The following TSC2 variants were observed in gnomAD, a reference collection of about 807,000 sequenced individuals.
TSC2 encodes tuberin.
TSC2 carries 29 observed loss-of-function variants against 202.2 expected under a neutral mutation model. That is an observed-to-expected ratio of 0.14 (90% CI 0.11 to 0.20). The LOEUF is 0.20. TSC2 is among the 10% of genes least tolerant of loss of function. TSC2 has a pLI of 1.00. For missense variants in TSC2, 2,429 were observed against 2,420.0 expected, an observed-to-expected ratio of 1.00 and a Z score of -0.08; for synonymous variants, 1,349 against 1,044.0, an observed-to-expected ratio of 1.29 and a Z score of -5.63.
chr16:2,061,717 C>A (rs1389571954), intron 11 of TSC2, 154 bp from the exon 12 acceptor site: 1 of 1,311,646 alleles, frequency 7.6e-7, no homozygotes, highest in African/African-American at 1.4e-5. Flanking sequence ...CCCGGAGCGG[C>A]CTCAGAGGGC....
At chr16:2,056,088 A>T in intron 6 of TSC2, 108 bp from the exon 7 acceptor site, 3 of 1,441,072 alleles carry the variant, frequency 2.1e-6, no homozygotes, top group Non-Finnish European at 2.9e-6. Context: ...ACCCCCAGGG[A>T]GGATGAGCCA....
chr16:2,088,833 G>A lies in TSC2; in HGVS notation c.*223G>A, dbSNP rs1042551574. 1.1e-5 allele frequency: 7 copies of A among 612,758 alleles called. No individual in the cohort carries two copies. The highest frequency in any genetic ancestry group is 6.0e-5 in the Admixed American group (2 of 33,224). The allele number at this position is 612,758 out of a possible 1,614,324, so 38.0% of individuals were successfully genotyped here. A position where few individuals can be genotyped will look rare whatever the true frequency, so the allele number is the denominator to read the frequency against. On this transcript the variant is annotated 3_prime_UTR_variant, in exon 42 of 42. Coordinates refer to ENST00000219476, the MANE Select transcript of TSC2 (RefSeq NM_000548.5). ...AGAAGCAGGCACAGCCAGCTCCGAG[G>A]GCCTTGAGGCTGCCTGGGCCATACA...
chr16:2,069,568 C>T (rs1200590696), intron 16 of TSC2, among the ~76,000 whole-genome samples: 1 of 151,996 alleles, frequency 6.6e-6, no homozygotes, highest in Non-Finnish European at 1.5e-5. Context: ...CAAGCTCTGC[C>T]TCCTGGGTTC....
At chr16:2,069,587 C>G (rs995818975) in intron 16 of TSC2, among the ~76,000 whole-genome samples, 2 of 152,062 alleles carry the variant, frequency 1.3e-5, no homozygotes, top group Non-Finnish European at 2.9e-5. Context: ...TCACGCCATT[C>G]TCCTGCCTCA....
intron 22 of TSC2, chr16:2,074,666 C>G: frequency 1.9e-6 from 1 of 529,668 alleles, no homozygotes; most frequent in Non-Finnish European, 3.4e-6. Flanking sequence ...TTTTGGGCCT[C>G]CTCTCTGTCC....
intron 2 of TSC2, among the ~76,000 whole-genome samples, chr16:2,049,563 G>A (rs1596240280): frequency 6.6e-6 from 1 of 151,922 alleles, no homozygotes; most frequent in Middle Eastern, 3.4e-3. Context: ...GGTGGCTCAC[G>A]CCTGTCATCC....
intron 16 of TSC2, among the ~76,000 whole-genome samples, chr16:2,067,372 G>C (rs2087537099): frequency 6.6e-6 from 1 of 151,592 alleles, no homozygotes; most frequent in Non-Finnish European, 1.5e-5. Flanking sequence ...ATGTTGCCCA[G>C]CCTGGCATCA....
At chr16:2,086,507 G>A (rs1320141887) in intron 37 of TSC2, 128 bp downstream of exon 37, 3 of 1,444,006 alleles carry the variant, frequency 2.1e-6, no homozygotes, top group South Asian at 1.2e-5. Flanking sequence ...CCACGCCTCA[G>A]GTTCCGAGCC....
chr16:2,062,407 A>T, intron 12 of TSC2, 90 bp from the exon 13 acceptor site: 1 of 1,302,270 alleles, frequency 7.7e-7, no homozygotes, highest in East Asian at 2.5e-5. Context: ...CTGGGCTCTG[A>T]CAGCAAACCA....
At chr16:2,068,074 A>G (rs1030374350) in intron 16 of TSC2, among the ~76,000 whole-genome samples, 3 of 151,898 alleles carry the variant, frequency 2.0e-5, no homozygotes, top group Non-Finnish European at 2.9e-5. Flanking sequence ...TCTCACCACT[A>G]TGTCACCCAG....
Position 2,048,583 on chromosome 16 carries a change from A to G in TSC2, c.-29-4A>G, listed in dbSNP as rs777786528. 4 of 1,613,484 alleles carry G rather than the reference A, an allele frequency of 2.5e-6. No homozygotes were observed. In the South Asian group the frequency reaches 3.3e-5, roughly 13 times the overall value. ...ATGTCCCCATTCCTGTTTCGTTTGC[A>G]CAGAGGGGTTTTCTGGTGCGTCCTG... On this transcript the variant is annotated splice_polypyrimidine_tract_variant and splice_region_variant and intron_variant, in intron 1 of 41. Coordinates refer to ENST00000219476, the MANE Select transcript of TSC2 (RefSeq NM_000548.5).
At chr16:2,073,150 C>T (rs558260404) in intron 21 of TSC2, among the ~76,000 whole-genome samples, 167 bp downstream of exon 21, 31 of 152,102 alleles carry the variant, frequency 2.0e-4, no homozygotes, top group African/African-American at 5.8e-4. Flanking sequence ...TGGGGACATC[C>T]GATTCCCTGG....
chr16:2,072,546 G>A (rs757721485), intron 20 of TSC2, 183 bp downstream of exon 20: 65 of 977,934 alleles, frequency 6.6e-5, no homozygotes, highest in Middle Eastern at 3.3e-4. Context: ...GCCCCAGCTC[G>A]CAGCTTTTGG....
rs2151028373 is a variant in TSC2 at position 2,053,422 on chromosome 16, G to C, written c.306G>C (p.Leu102=). ...ERPLEARHAV[L]ALLKAIVQGQ... ...CGCTGGAGGCCCGGCACGCGGTGCT[G>C]GCTCTGCTGAAGGCCATCGTGCAGG... Residue 102 remains leucine, a synonymous_variant, in exon 4 of 42, where the codon CTG becomes CTC. Coordinates refer to ENST00000219476, the MANE Select transcript of TSC2 (RefSeq NM_000548.5). 6.3e-7 allele frequency: 1 copy of C among 1,583,680 alleles called. No homozygotes were observed. Among genetic ancestry groups the C allele is most frequent in the Non-Finnish European group, 8.6e-7 (1 of 1,165,774 alleles).
At chr16:2,087,229 A>G in intron 38 of TSC2, 1 of 387,664 alleles carries the variant, frequency 2.6e-6, no homozygotes, top group Non-Finnish European at 5.0e-6. Context: ...GCCACGCACC[A>G]CTAGGCAGCA....
In TSC2 at chr16:2,053,447, G is replaced by T. The variant is rs1266039524; in HGVS notation, c.331G>T (p.Gly111Trp). ...VLALLKAIVQGQGERLGVLRA... is the reference protein window; with the variant it reads ...VLALLKAIVQWQGERLGVLRA... ...GGCTCTGCTGAAGGCCATCGTGCAG[G>T]GGCAGGTAAGGCCCAGGGCGACGCT... is the stretch of plus-strand genomic sequence containing the variant. Residue 111 changes from glycine (G) to tryptophan (W), a missense_variant, in exon 4 of 42, where the codon GGG becomes TGG. Coordinates refer to ENST00000219476, the MANE Select transcript of TSC2 (RefSeq NM_000548.5). 2 of 1,570,868 alleles carry T rather than the reference G, an allele frequency of 1.3e-6. No homozygotes were observed. The highest frequency in any genetic ancestry group is 4.7e-5 in the East Asian group (2 of 42,436).
rs550724158 is a variant in TSC2, at chr16:2,075,478, G to A, written c.2546-321G>A. ...GGGGGTGGAGCTTGCAGTGAGCCGG[G>A]ATCGCGCCACTGCACTCCAGCCTGG... On this transcript the variant is annotated intron_variant, in intron 22 of 41. Transcript: ENST00000219476. Among the ~76,000 whole-genome samples, 6 of 139,632 alleles carry A rather than the reference G, an allele frequency of 4.3e-5. No homozygotes were observed. In the Admixed American group the frequency reaches 4.5e-4, roughly 10 times the overall value. The allele number at this position is 139,632 out of a possible 152,430, so 91.6% of individuals were successfully genotyped here. A position where few individuals can be genotyped will look rare whatever the true frequency, so the allele number is the denominator to read the frequency against.
chr16:2,086,684 G>A, intron 37 of TSC2, 48 bp from the exon 38 acceptor site: 1 of 1,603,364 alleles, frequency 6.2e-7, no homozygotes. Flanking sequence ...AGGCACAGAG[G>A]GCCTCAGCAC....
intron 8 of TSC2, 65 bp downstream of exon 8, chr16:2,056,834 G>C (rs2085910320): frequency 2.5e-6 from 4 of 1,596,494 alleles, no homozygotes; most frequent in African/African-American, 1.3e-5. Context: ...GGGCCATCCT[G>C]TCTCCCATGA....
Sources: gnomAD v4.1 joint callset for allele counts (sites outside exome capture counted in the v4.1 genomes callset) on GRCh38, gnomAD v4.1.1 for gene constraint, MANE v1.5 for transcripts, NCBI Gene and HGNC (gene_info 2026-07-23, HGNC 2026-07-21) for gene names.